The following MAPKAP1 variants were observed in gnomAD, a reference collection of about 807,000 sequenced individuals.
MAPKAP1 encodes MAPK associated protein 1, also known as target of rapamycin complex 2 subunit MAPKAP1.
MAPKAP1 carries 20 observed loss-of-function variants against 65.7 expected under a neutral mutation model. The observed-to-expected ratio is 0.30, with a 90% CI of 0.21 to 0.44. MAPKAP1 has a LOEUF of 0.44. Ranked by LOEUF, MAPKAP1 falls within the 20% of genes least tolerant of loss-of-function variation. MAPKAP1 has a pLI of 1.00. For synonymous variants in MAPKAP1, 222 were observed against 244.3 expected, an observed-to-expected ratio of 0.91 and a Z score of 0.85; for missense variants, 423 against 648.0, an observed-to-expected ratio of 0.65 and a Z score of 3.77.
At chr9:125,614,492 C>T (rs532871851) in intron 4 of MAPKAP1, among the ~76,000 whole-genome samples, 1 of 152,100 alleles carries the variant, frequency 6.6e-6, no homozygotes, top group Admixed American at 6.5e-5. Context: ...GGTGTGGTAG[C>T]AGGCGCCTGT....
rs73591520 is a variant in MAPKAP1, at chr9:125,447,893, G to C, written c.1346-3295C>G. On this transcript the variant is annotated intron_variant, in intron 10 of 11. Transcript: ENST00000265960. This position sits in a 1 kb window ranked among gnomAD's most constrained non-coding sequence, Gnocchi z 4.5. ...GGGTGAAAAAGAGGAAGATGCCACA[G>C]GGCAAGGAAACGGCATGGGCAAACA... Among the ~76,000 whole-genome samples, 2,342 of 152,300 alleles carry C rather than the reference G, an allele frequency of 0.015. 63 individuals are homozygous for C. The highest frequency in any genetic ancestry group is 0.052 in the African/African-American group (2,165 of 41,570).
intron 4 of MAPKAP1, among the ~76,000 whole-genome samples, chr9:125,610,603 A>G (rs1293842915): frequency 3.3e-5 from 5 of 152,212 alleles, no homozygotes; most frequent in Admixed American, 6.5e-5. Context: ...CCTACATGTG[A>G]GAGTAAATTA....
intron 4 of MAPKAP1, among the ~76,000 whole-genome samples, chr9:125,622,825 T>A (rs1276471096): frequency 7.2e-6 from 1 of 138,142 alleles, no homozygotes; most frequent in Non-Finnish European, 1.6e-5. Flanking sequence ...CCCTCTCCCC[T>A]CTCCGTCTCC....
At chr9:125,695,288 C>T (rs549875750) in intron 1 of MAPKAP1, among the ~76,000 whole-genome samples, 3 of 152,306 alleles carry the variant, frequency 2.0e-5, no homozygotes, top group Middle Eastern at 3.4e-3. Flanking sequence ...TCTCACCCCA[C>T]GCCGGTAAAG....
At chr9:125,697,236 A>G (rs1835413203) in intron 1 of MAPKAP1, among the ~76,000 whole-genome samples, 2 of 152,356 alleles carry the variant, frequency 1.3e-5, no homozygotes, top group South Asian at 4.1e-4. Context: ...TGAAAATACA[A>G]TCCATTTACA....
rs1317459392 is a variant in MAPKAP1, at chr9:125,439,784, C to T, written c.1444-772G>A. 6.6e-6 allele frequency among the ~76,000 whole-genome samples: 1 copy of T among 152,244 alleles called. No homozygotes were observed. Among genetic ancestry groups the T allele is most frequent in the Non-Finnish European group, 1.5e-5 (1 of 68,034 alleles). ...GCCAGGCGCTTCCCCAGCGCTACAGCGCTGAGACTTGGTCCTGGCCCTGGG... is the reference window on the plus strand; with the variant it reads ...GCCAGGCGCTTCCCCAGCGCTACAGTGCTGAGACTTGGTCCTGGCCCTGGG... On this transcript the variant is annotated intron_variant, in intron 11 of 11. Coordinates refer to ENST00000265960, the MANE Select transcript of MAPKAP1 (RefSeq NM_001006617.3). The surrounding 1 kb of genome is among the most constrained non-coding windows in gnomAD (Gnocchi z 4.0).
chr9:125,602,145 C>T (rs1480642720), intron 4 of MAPKAP1, among the ~76,000 whole-genome samples: 1 of 151,944 alleles, frequency 6.6e-6, no homozygotes, highest in South Asian at 2.1e-4. Context: ...CTCAGCTATT[C>T]GGGAAGCTGA....
chr9:125,498,627 ATAT>A (rs1398263785), intron 8 of MAPKAP1, among the ~76,000 whole-genome samples: 13 of 152,256 alleles, frequency 8.5e-5, no homozygotes, highest in Admixed American at 8.5e-4. Context: ...TTGATATAAA[ATAT>A]TATGCCACAT....
chr9:125,607,557 C>T (rs1832474355), intron 4 of MAPKAP1, among the ~76,000 whole-genome samples: 1 of 152,350 alleles, frequency 6.6e-6, no homozygotes, highest in South Asian at 2.1e-4. Context: ...AGCGAGGATG[C>T]TAACTGGGGA....
At chr9:125,471,182 G>A (rs1853905885) in intron 9 of MAPKAP1, 1 of 152,432 alleles carries the variant, frequency 6.6e-6, no homozygotes, top group Non-Finnish European at 1.5e-5. Flanking sequence ...CTCGGCCTGA[G>A]GCAGTCCACG....
At chr9:125,613,302 G>A (rs973038821) in intron 4 of MAPKAP1, among the ~76,000 whole-genome samples, 9 of 152,152 alleles carry the variant, frequency 5.9e-5, no homozygotes, top group South Asian at 2.1e-4. Context: ...GGAATAAAGC[G>A]CATATTTCCC....
At chr9:125,618,495 G>A (rs1374962046) in intron 4 of MAPKAP1, among the ~76,000 whole-genome samples, 1 of 151,826 alleles carries the variant, frequency 6.6e-6, no homozygotes, top group Non-Finnish European at 1.5e-5. Context: ...TCTAACTTCA[G>A]TTGCTAATTC....
At chr9:125,624,486 C>T (rs1173128194) in intron 4 of MAPKAP1, among the ~76,000 whole-genome samples, 4 of 96,800 alleles carry the variant, frequency 4.1e-5, no homozygotes, top group South Asian at 4.4e-4. Context: ...AGGTAAGGGG[C>T]GCCTCTGCCC....
Position 125,585,694 on chromosome 9 carries a change from C to G in MAPKAP1, c.532G>C (p.Asp178His), listed in dbSNP as rs757433296. ...HVGTTATKKIDVYLPLHSSQD... is the reference protein window; with the variant it reads ...HVGTTATKKIHVYLPLHSSQD... ...CTCGAGTGCAGAGGGAGGTAGACAT[C>G]GATCTTCTTGGTTGCTGTTGTACCT... is the stretch of plus-strand genomic sequence containing the variant. The change falls in exon 5 of 12, where the codon GAT becomes CAT. Residue 178 changes from aspartate (D) to histidine (H), a missense_variant. By Grantham distance (81) the Asp-to-His change is moderately conservative. Coordinates refer to ENST00000265960, the MANE Select transcript of MAPKAP1 (RefSeq NM_001006617.3). The G allele has an allele frequency of 6.2e-7, 1 of 1,614,204 alleles. No homozygotes were observed. Among genetic ancestry groups the G allele is most frequent in the East Asian group, 2.2e-5 (1 of 44,874 alleles).
intron 1 of MAPKAP1, among the ~76,000 whole-genome samples, chr9:125,698,302 TA>T (rs1835475971): frequency 4.6e-5 from 1 of 21,856 alleles, no homozygotes; most frequent in African/African-American, 1.6e-4. Flanking sequence ...TATATATATA[TA>T]TATATATATA....
chr9:125,529,314 C>G (rs192624947), intron 7 of MAPKAP1, among the ~76,000 whole-genome samples: 1 of 151,988 alleles, frequency 6.6e-6, no homozygotes, highest in African/African-American at 2.4e-5. Flanking sequence ...AATGTTAGCT[C>G]TCTGAGTTCA....
intron 7 of MAPKAP1, among the ~76,000 whole-genome samples, chr9:125,537,999 A>C (rs1037375931): frequency 6.6e-6 from 1 of 152,156 alleles, no homozygotes; most frequent in Admixed American, 6.5e-5. Context: ...CTCTGTCATA[A>C]GGCAATCATC....
At chr9:125,541,274 G>A (rs748612154) in intron 7 of MAPKAP1, among the ~76,000 whole-genome samples, 3 of 152,136 alleles carry the variant, frequency 2.0e-5, no homozygotes, top group Non-Finnish European at 4.4e-5. Context: ...GTATGCAATT[G>A]GACAGAGACG....
chr9:125,564,877 A>G (rs1831001437), intron 5 of MAPKAP1, among the ~76,000 whole-genome samples: 1 of 152,198 alleles, frequency 6.6e-6, no homozygotes, highest in Non-Finnish European at 1.5e-5. Context: ...ACCACCAGAG[A>G]AAGACGAATG....
Sources: allele counts gnomAD v4.1 joint callset (sites outside exome capture counted in the v4.1 genomes callset), GRCh38; gene constraint gnomAD v4.1.1; non-coding constraint Gnocchi (gnomAD v3.1); transcripts MANE v1.5; gene names NCBI Gene and HGNC (gene_info 2026-07-23, HGNC 2026-07-21).